The following DNAJC15 variants were observed in gnomAD, a reference collection of about 807,000 sequenced individuals.
The protein encoded by DNAJC15 is dnaJ homolog subfamily C member 15.
DNAJC15 carries 27 observed loss-of-function variants against 22.4 expected under a neutral mutation model. That is an observed-to-expected ratio of 1.20 (90% CI 0.89 to 1.66). DNAJC15 has a LOEUF of 1.66. Ranked by LOEUF, DNAJC15 falls within the 40% of genes most tolerant of loss-of-function variation. DNAJC15 has a pLI of 0.00. For synonymous variants in DNAJC15, 79 were observed against 63.2 expected (o/e 1.25, Z -1.19); for missense variants, 208 against 187.1 (o/e 1.11, Z -0.65).
At position 43,053,356 on chromosome 13, in the gene DNAJC15, T is replaced by G. The variant is rs1276392191; in HGVS notation, c.109-12330T>G. On this transcript the variant is annotated intron_variant, in intron 1 of 5. Transcript: ENST00000379221. ...TAATGTGATGCCTCCAGATTTGTTCTTTTTCCTTAGTTTTGCTTTGGCTGC... is the reference window on the plus strand; with the variant it reads ...TAATGTGATGCCTCCAGATTTGTTCGTTTTCCTTAGTTTTGCTTTGGCTGC... Among the ~76,000 whole-genome samples, 5 of 152,332 alleles carry G rather than the reference T, an allele frequency of 3.3e-5. No individual in the cohort carries two copies. In the South Asian group the frequency reaches 1.0e-3, roughly 32 times the overall value.
In DNAJC15 at chr13:43,107,408, C is replaced by A. The variant is rs2040802682; in HGVS notation, c.*160C>A. On this transcript the variant is annotated 3_prime_UTR_variant, in exon 6 of 6. Coordinates refer to ENST00000379221, the MANE Select transcript of DNAJC15 (RefSeq NM_013238.3). ...TGTATAACAATAAAATGTTAATAGT[C>A]TTGCTTTTTATTATCTTTTAAAGAT... is the stretch of plus-strand genomic sequence containing the variant. 4.2e-6 allele frequency: 2 copies of A among 474,110 alleles called. No homozygotes were observed. The highest frequency in any genetic ancestry group is 4.1e-5 in the African/African-American group (2 of 49,082). 29.4% of individuals were successfully genotyped at this position (474,110 alleles called of 1,614,324 possible).
intron 4 of DNAJC15, among the ~76,000 whole-genome samples, chr13:43,082,351 A>G (rs1033467096): frequency 5.3e-5 from 8 of 152,210 alleles, no homozygotes; most frequent in Non-Finnish European, 8.8e-5. Context: ...TCATAGCTAC[A>G]TTTAGTTTTT....
intron 3 of DNAJC15, among the ~76,000 whole-genome samples, chr13:43,071,115 A>G (rs2040606748): frequency 6.6e-6 from 1 of 152,232 alleles, no homozygotes; most frequent in Non-Finnish European, 1.5e-5. Flanking sequence ...AAGCTGTGCA[A>G]AACTACATTA....
intron 1 of DNAJC15, among the ~76,000 whole-genome samples, chr13:43,062,926 C>T (rs2040565746): frequency 6.6e-6 from 1 of 152,058 alleles, no homozygotes; most frequent in Non-Finnish European, 1.5e-5. Context: ...ACCATGTTGG[C>T]CAGGCTGGTC....
At chr13:43,065,659 A>T in intron 1 of DNAJC15, 27 bp from the exon 2 acceptor site, 5 of 1,589,270 alleles carry the variant, frequency 3.1e-6, no homozygotes, top group Non-Finnish European at 4.3e-6. Flanking sequence ...GTTACATCAT[A>T]AGTAATATTC....
At chr13:43,038,456 T>C (rs571833069) in intron 1 of DNAJC15, among the ~76,000 whole-genome samples, 9 of 152,316 alleles carry the variant, frequency 5.9e-5, no homozygotes, top group South Asian at 2.1e-4. Flanking sequence ...TTCATACTTA[T>C]CAAACGATTC....
intron 1 of DNAJC15, among the ~76,000 whole-genome samples, chr13:43,030,018 C>T (rs1427829904): frequency 6.6e-6 from 1 of 152,088 alleles, no homozygotes; most frequent in African/African-American, 2.4e-5. Flanking sequence ...ATAAATGAGA[C>T]TATGCCTCTT....
chr13:43,041,723 CAGA>C (rs2040455028), intron 1 of DNAJC15, among the ~76,000 whole-genome samples: 1 of 152,242 alleles, frequency 6.6e-6, no homozygotes. Context: ...ATCTATGATT[CAGA>C]AGTAGAGTAC....
At chr13:43,061,258 A>T (rs959999828) in intron 1 of DNAJC15, among the ~76,000 whole-genome samples, 1 of 152,168 alleles carries the variant, frequency 6.6e-6, no homozygotes, top group Admixed American at 6.5e-5. Context: ...TGGAAGTTTC[A>T]GTGGGGGAGT....
At chr13:43,052,503 C>T (rs776895575) in intron 1 of DNAJC15, among the ~76,000 whole-genome samples, 17 of 151,570 alleles carry the variant, frequency 1.1e-4, no homozygotes, top group Non-Finnish European at 2.2e-4. Flanking sequence ...CTACAACCTC[C>T]ACCTCCTGGG....
intron 1 of DNAJC15, among the ~76,000 whole-genome samples, chr13:43,025,346 G>A (rs1036173571): frequency 1.3e-5 from 2 of 152,094 alleles, no homozygotes; most frequent in South Asian, 2.1e-4. Context: ...ACTAATATTG[G>A]TGACTTTTAC....
At chr13:43,075,675 C>T (rs1479267948) in intron 3 of DNAJC15, among the ~76,000 whole-genome samples, 1 of 152,086 alleles carries the variant, frequency 6.6e-6, no homozygotes, top group Non-Finnish European at 1.5e-5. Context: ...CTAAGTCCCT[C>T]GTTTTTTGAG....
chr13:43,088,955 A>C (rs1189619524), intron 5 of DNAJC15, among the ~76,000 whole-genome samples: 1 of 151,710 alleles, frequency 6.6e-6, no homozygotes, highest in East Asian at 1.9e-4. Context: ...TTTTTTTGGT[A>C]AAGAGAAAAT....
At position 43,064,471 on chromosome 13, in the gene DNAJC15, T is replaced by A. The variant is rs564906709; in HGVS notation, c.109-1215T>A. ...TATTCATTCTGTTCCCTAGGGAGATTATGCTAGTGTTTTAAAAGTCTCTGC... is the reference window on the plus strand; with the variant it reads ...TATTCATTCTGTTCCCTAGGGAGATAATGCTAGTGTTTTAAAAGTCTCTGC... On this transcript the variant is annotated intron_variant, in intron 1 of 5. Transcript: ENST00000379221. 1.7e-3 allele frequency among the ~76,000 whole-genome samples: 258 copies of A among 152,280 alleles called. 1 individual carries two copies. The highest frequency in any genetic ancestry group is 6.1e-3 in the African/African-American group (253 of 41,556).
chr13:43,066,146 G>A (rs560058130), intron 2 of DNAJC15, among the ~76,000 whole-genome samples: 9 of 152,136 alleles, frequency 5.9e-5, no homozygotes, highest in African/African-American at 1.7e-4. Flanking sequence ...TAGTTGTTCC[G>A]TGTAGTTTAT....
chr13:43,025,460 G>T (rs1371600428), intron 1 of DNAJC15, among the ~76,000 whole-genome samples: 1 of 152,166 alleles, frequency 6.6e-6, no homozygotes, highest in Non-Finnish European at 1.5e-5. Flanking sequence ...TAAAGTGTAG[G>T]CCAGTGATTC....
Position 43,023,751 on chromosome 13 carries a change from G to C in DNAJC15, c.108+17G>C. The C allele has an allele frequency of 1.3e-6, 2 of 1,592,132 alleles. No individual in the cohort carries two copies. Among genetic ancestry groups the C allele is most frequent in the Non-Finnish European group, 1.7e-6 (2 of 1,169,504 alleles). ...CAGAGACTGGTGAGTCCTGCCAGCG[G>C]CCCCCACCCCTCTCTGGCTCCCTTG... On this transcript the variant is annotated intron_variant, in intron 1 of 5. Transcript: ENST00000379221.
chr13:43,050,931 A>G (rs983208715), intron 1 of DNAJC15, among the ~76,000 whole-genome samples: 3 of 151,922 alleles, frequency 2.0e-5, no homozygotes, highest in Admixed American at 2.0e-4. Flanking sequence ...TACTCTAGTG[A>G]TCTACCTAAT....
intron 1 of DNAJC15, among the ~76,000 whole-genome samples, chr13:43,052,130 A>G (rs35865643): frequency 0.09 from 13,660 of 151,588 alleles, 807 homozygotes; most frequent in East Asian, 0.26. Flanking sequence ...ACAGCCAGCT[A>G]ATTTTTGTAT....
Sources: gnomAD v4.1 joint callset for allele counts (sites outside exome capture counted in the v4.1 genomes callset) on GRCh38, gnomAD v4.1.1 for gene constraint, MANE v1.5 for transcripts, NCBI Gene and HGNC (gene_info 2026-07-23, HGNC 2026-07-21) for gene names.